The following FAF1 variants were observed in gnomAD, a reference collection of about 807,000 sequenced individuals.
The protein encoded by FAF1 is FAS-associated factor 1.
A neutral mutation model predicts 92.5 loss-of-function variants in FAF1; 25 were observed. The ratio of observed to expected loss-of-function variants is 0.27; its 90% CI spans 0.20 to 0.38. FAF1 has a LOEUF of 0.38. FAF1 is among the 10% of genes least tolerant of loss of function. The pLI is 1.00. For synonymous variants in FAF1, 234 were observed against 273.2 expected, an observed-to-expected ratio of 0.86 and a Z score of 1.42; for missense variants, 636 against 793.3, an observed-to-expected ratio of 0.80 and a Z score of 2.38.
intron 13 of FAF1, among the ~76,000 whole-genome samples, chr1:50,554,364 AATATAT>A (rs149420376): frequency 1.1e-3 from 133 of 117,180 alleles, no homozygotes; most frequent in Admixed American, 3.8e-3. Context: ...AAATGAGGTA[AATATAT>A]ATATATATAT....
intron 7 of FAF1, among the ~76,000 whole-genome samples, chr1:50,675,169 C>T (rs1416671717): frequency 1.3e-5 from 2 of 152,210 alleles, no homozygotes; most frequent in African/African-American, 4.8e-5. Context: ...GGATTACAGG[C>T]GTGAGCCACA....
intron 7 of FAF1, among the ~76,000 whole-genome samples, chr1:50,696,889 T>A (rs1309841184): frequency 1.3e-5 from 2 of 152,216 alleles, no homozygotes; most frequent in Admixed American, 6.5e-5. Context: ...AAAAATTGTA[T>A]GATCAAAATA....
chr1:50,519,370 AGGAGGGAGGGAG>A (rs781526889), intron 15 of FAF1, among the ~76,000 whole-genome samples: 87 of 99,568 alleles, frequency 8.7e-4, no homozygotes, highest in African/African-American at 3.6e-3. Context: ...GAAGGAAGGA[AGGAGGGAGGGAG>A]GGAGGGAGGG....
At chr1:50,548,322 A>G (rs942979600) in intron 13 of FAF1, among the ~76,000 whole-genome samples, 3 of 152,196 alleles carry the variant, frequency 2.0e-5, no homozygotes, top group African/African-American at 7.2e-5. Context: ...AATCAGAGAA[A>G]GGAACGGGTG....
chr1:50,753,763 T>C (rs907493839), intron 4 of FAF1, among the ~76,000 whole-genome samples: 6 of 151,124 alleles, frequency 4.0e-5, no homozygotes, highest in African/African-American at 1.5e-4. Context: ...TGTTCTTTTT[T>C]TTTTTTTTTT....
chr1:50,528,817 C>T (rs1178954510), intron 15 of FAF1, among the ~76,000 whole-genome samples: 1 of 152,196 alleles, frequency 6.6e-6, no homozygotes, highest in African/African-American at 2.4e-5. Context: ...CCAACCTCTC[C>T]TCCACCTCTC....
intron 8 of FAF1, among the ~76,000 whole-genome samples, chr1:50,623,203 A>C (rs1473465493): frequency 6.6e-6 from 1 of 152,192 alleles, no homozygotes; most frequent in Non-Finnish European, 1.5e-5. Flanking sequence ...GATTATATTC[A>C]TTCATTAAAA....
chr1:50,939,825 T>C (rs1645116354), intron 1 of FAF1, among the ~76,000 whole-genome samples: 2 of 152,248 alleles, frequency 1.3e-5, no homozygotes, highest in South Asian at 4.1e-4. Context: ...GTGAATCACA[T>C]TTATTGAAGG....
At chr1:50,669,683 G>C (rs190715443) in intron 7 of FAF1, among the ~76,000 whole-genome samples, 9 of 152,316 alleles carry the variant, frequency 5.9e-5, no homozygotes, top group Admixed American at 5.2e-4. Flanking sequence ...TAAAGGATAA[G>C]TAATTGTGTA....
intron 7 of FAF1, among the ~76,000 whole-genome samples, chr1:50,658,225 C>T (rs759166300): frequency 7.9e-5 from 12 of 151,788 alleles, no homozygotes; most frequent in Non-Finnish European, 1.6e-4. Context: ...GAAATTATTA[C>T]TTTGAAATAA....
intron 1 of FAF1, among the ~76,000 whole-genome samples, chr1:50,888,347 C>T (rs765672256): frequency 6.6e-6 from 1 of 152,194 alleles, no homozygotes; most frequent in African/African-American, 2.4e-5. Flanking sequence ...TTCCTCTTTT[C>T]TTAATTGAAT....
chr1:50,851,798 C>T (rs1278580680), intron 2 of FAF1, among the ~76,000 whole-genome samples: 1 of 152,044 alleles, frequency 6.6e-6, no homozygotes, highest in African/African-American at 2.4e-5. Context: ...GTAAAATTGC[C>T]ATCAAGAAAA....
intron 4 of FAF1, 142 bp downstream of exon 4, chr1:50,787,858 T>C: frequency 1.6e-6 from 1 of 644,496 alleles, no homozygotes; most frequent in Non-Finnish European, 2.7e-6. Flanking sequence ...TAAAGCATAA[T>C]AATCAGTATT....
intron 15 of FAF1, among the ~76,000 whole-genome samples, chr1:50,527,480 T>C (rs537886407): frequency 1.5e-4 from 23 of 152,186 alleles, no homozygotes; most frequent in Non-Finnish European, 2.9e-4. Flanking sequence ...TTGAAGTAGT[T>C]AGTCAACAGT....
chr1:50,806,698 G>A (rs947843946), intron 2 of FAF1, among the ~76,000 whole-genome samples: 12 of 152,188 alleles, frequency 7.9e-5, no homozygotes, highest in South Asian at 6.2e-4. Context: ...CAAGAGTCCA[G>A]ACAAGAATGC....
At chr1:50,810,195 C>A (rs2124604354) in intron 2 of FAF1, among the ~76,000 whole-genome samples, 1 of 152,208 alleles carries the variant, frequency 6.6e-6, no homozygotes, top group Admixed American at 6.5e-5. Flanking sequence ...ACAGAGGTTG[C>A]AGTGAACCAA....
chr1:50,798,552 CTGTT>C (rs747720993), intron 3 of FAF1, among the ~76,000 whole-genome samples: 79 of 152,318 alleles, frequency 5.2e-4, no homozygotes, highest in Non-Finnish European at 8.4e-4. Flanking sequence ...GACTCAGTGT[CTGTT>C]TATGACTGAA....
chr1:50,502,788 G>A (rs1647008322), intron 15 of FAF1, among the ~76,000 whole-genome samples: 1 of 152,044 alleles, frequency 6.6e-6, no homozygotes, highest in Non-Finnish European at 1.5e-5. Context: ...ACAATATATT[G>A]TATTTGAGCT....
chr1:50,601,912 G>A (rs888517605), intron 8 of FAF1, among the ~76,000 whole-genome samples: 4 of 151,860 alleles, frequency 2.6e-5, no homozygotes, highest in African/African-American at 9.7e-5. Context: ...AAATGACAAA[G>A]AATAAGACAT....
Sources: allele counts gnomAD v4.1 joint callset (sites outside exome capture counted in the v4.1 genomes callset), GRCh38; gene constraint gnomAD v4.1.1; transcripts MANE v1.5; gene names NCBI Gene and HGNC (gene_info 2026-07-23, HGNC 2026-07-21).